CNTN5: variants seen among roughly 807,000 people sequenced by gnomAD.
The protein encoded by CNTN5 is contactin 5.
Under a neutral mutation model 129.1 loss-of-function variants are expected in CNTN5, and 77 were observed. The ratio of observed to expected loss-of-function variants is 0.60; its 90% CI spans 0.50 to 0.72. The LOEUF is 0.72. Among genes scored for constraint, CNTN5 ranks in the 30% least tolerant of loss-of-function variants. The pLI is 0.00. For missense variants in CNTN5, 1,478 were observed against 1,328.8 expected, an observed-to-expected ratio of 1.11 and a Z score of -1.75; for synonymous variants, 509 against 465.6, an observed-to-expected ratio of 1.09 and a Z score of -1.20.
At chr11:99,100,218 TTC>T (rs1235466623) in intron 1 of CNTN5, among the ~76,000 whole-genome samples, 2 of 152,008 alleles carry the variant, frequency 1.3e-5, no homozygotes, top group Admixed American at 6.6e-5. Context: ...AAAATATTTT[TTC>T]TCTCTCTCTC....
intron 7 of CNTN5, among the ~76,000 whole-genome samples, chr11:99,954,759 A>C (rs1950758535): frequency 6.6e-6 from 1 of 152,212 alleles, no homozygotes; most frequent in Non-Finnish European, 1.5e-5. Context: ...GCACTGGCAG[A>C]AAATCCACTG....
At chr11:99,885,033 A>G (rs1054114238) in intron 6 of CNTN5, among the ~76,000 whole-genome samples, 1 of 152,134 alleles carries the variant, frequency 6.6e-6, no homozygotes, top group East Asian at 1.9e-4. Context: ...CTGTAATGAC[A>G]GCACTCTGGG....
At chr11:99,723,273 C>A (rs1310848831) in intron 3 of CNTN5, among the ~76,000 whole-genome samples, 1 of 152,022 alleles carries the variant, frequency 6.6e-6, no homozygotes, top group Admixed American at 6.6e-5. Flanking sequence ...TTCCATGGTT[C>A]CTCTCGGACA....
At chr11:100,331,610 G>C (rs1236321749) in intron 21 of CNTN5, among the ~76,000 whole-genome samples, 1 of 151,972 alleles carries the variant, frequency 6.6e-6, no homozygotes, top group East Asian at 1.9e-4. Flanking sequence ...GTAAATTTAA[G>C]AAAATCAAAA....
At chr11:99,185,017 T>C (rs1485158342) in intron 1 of CNTN5, among the ~76,000 whole-genome samples, 1 of 151,426 alleles carries the variant, frequency 6.6e-6, no homozygotes, top group Non-Finnish European at 1.5e-5. Flanking sequence ...GATGCTTAAA[T>C]ACATACACCT....
intron 3 of CNTN5, among the ~76,000 whole-genome samples, chr11:99,570,460 C>A (rs1416327634): frequency 6.6e-6 from 1 of 152,158 alleles, no homozygotes; most frequent in Non-Finnish European, 1.5e-5. Flanking sequence ...AGCCTATATA[C>A]TTTGTCAAAG....
At chr11:99,086,321 G>A (rs1055155695) in intron 1 of CNTN5, among the ~76,000 whole-genome samples, 5 of 152,254 alleles carry the variant, frequency 3.3e-5, no homozygotes, top group South Asian at 2.1e-4. Flanking sequence ...CCATTCTTGC[G>A]TTGCTGTCAA....
intron 21 of CNTN5, among the ~76,000 whole-genome samples, chr11:100,330,024 A>T (rs1290493971): frequency 6.6e-6 from 1 of 152,216 alleles, no homozygotes; most frequent in Admixed American, 6.5e-5. Flanking sequence ...AATTACTAAG[A>T]CAATCAAGGA....
chr11:100,066,129 A>G (rs73561057), intron 10 of CNTN5, among the ~76,000 whole-genome samples: 1,827 of 152,200 alleles, frequency 0.012, 50 homozygotes, highest in African/African-American at 0.042. Flanking sequence ...TAACCAATAT[A>G]TATTATCTTC....
intron 2 of CNTN5, among the ~76,000 whole-genome samples, chr11:99,326,639 A>C (rs1247936480): frequency 1.3e-5 from 2 of 152,152 alleles, no homozygotes; most frequent in Non-Finnish European, 1.5e-5. Context: ...TCTTTTATTC[A>C]TTTCATTAAA....
In CNTN5 at chr11:99,329,084, C is replaced by G. The variant is rs1342660236; in HGVS notation, c.-71+3600C>G. 2.6e-5 allele frequency among the ~76,000 whole-genome samples: 4 copies of G among 152,162 alleles called. No homozygotes were observed. The East Asian group carries it at 7.7e-4, about 29-fold the overall frequency. ...AAGTTGGATATCGATGGATTATTTT[C>G]ATTATCAGCCTATCCATAGGAAATA... On this transcript the variant is annotated intron_variant, in intron 2 of 24. Coordinates refer to ENST00000524871, the MANE Select transcript of CNTN5 (RefSeq NM_014361.4).
chr11:99,793,723 G>T (rs1565539784), intron 3 of CNTN5, among the ~76,000 whole-genome samples: 2 of 152,094 alleles, frequency 1.3e-5, no homozygotes, highest in Admixed American at 6.5e-5. Flanking sequence ...CATGTAATTT[G>T]ATTGTTTGCA....
At chr11:99,893,716 G>A (rs1002894224) in intron 6 of CNTN5, among the ~76,000 whole-genome samples, 2 of 152,100 alleles carry the variant, frequency 1.3e-5, no homozygotes, top group African/African-American at 4.8e-5. Flanking sequence ...GGTAACATAT[G>A]TTCTGATAAT....
At chr11:99,287,452 C>T (rs1016191908) in intron 1 of CNTN5, among the ~76,000 whole-genome samples, 1 of 152,050 alleles carries the variant, frequency 6.6e-6, no homozygotes, top group Non-Finnish European at 1.5e-5. Context: ...ACATCCTTCT[C>T]TCTCATTATT....
At chr11:99,374,443 G>A (rs1322489784) in intron 2 of CNTN5, among the ~76,000 whole-genome samples, 1 of 152,064 alleles carries the variant, frequency 6.6e-6, no homozygotes, top group African/African-American at 2.4e-5. Context: ...GTAAGATTTG[G>A]GAGGCCAAGG....
chr11:99,645,973 G>A (rs1396118320), intron 3 of CNTN5, among the ~76,000 whole-genome samples: 2 of 152,172 alleles, frequency 1.3e-5, no homozygotes, highest in Admixed American at 6.6e-5. Context: ...AATATGTAAT[G>A]TATTCCTTGA....
chr11:99,347,266 C>T (rs1283454529), intron 2 of CNTN5, among the ~76,000 whole-genome samples: 1 of 152,062 alleles, frequency 6.6e-6, no homozygotes, highest in African/African-American at 2.4e-5. Flanking sequence ...AAAATCTCTG[C>T]CTTTTGTGTT....
At chr11:99,806,218 T>TA (rs1274681722) in intron 3 of CNTN5, among the ~76,000 whole-genome samples, 4 of 152,164 alleles carry the variant, frequency 2.6e-5, no homozygotes, top group Non-Finnish European at 5.9e-5. Flanking sequence ...GCTCACACAG[T>TA]ATTGTACCTG....
intron 3 of CNTN5, among the ~76,000 whole-genome samples, chr11:99,808,631 C>T (rs1461965915): frequency 6.6e-6 from 1 of 152,098 alleles, no homozygotes; most frequent in Non-Finnish European, 1.5e-5. Context: ...ACTAACTCAC[C>T]TTGCAGGGAT....
Sources: allele counts gnomAD v4.1 joint callset (sites outside exome capture counted in the v4.1 genomes callset), GRCh38; gene constraint gnomAD v4.1.1; transcripts MANE v1.5; gene names NCBI Gene and HGNC (gene_info 2026-07-23, HGNC 2026-07-21).